CFAP97: variants seen among roughly 807,000 people sequenced by gnomAD.
The protein encoded by CFAP97 is cilia and flagella associated protein 97.
CFAP97 carries 36 observed loss-of-function variants against 43.1 expected under a neutral mutation model. The observed-to-expected ratio is 0.84, with a 90% confidence interval of 0.64 to 1.10. The LOEUF (loss-of-function observed/expected upper bound fraction) is 1.10. Ranked by LOEUF, CFAP97 falls within the 50% of genes least tolerant of loss-of-function variation. The pLI, the probability that CFAP97 is intolerant of heterozygous loss-of-function variation, is 0.00. For synonymous variants in CFAP97, 228 were observed against 225.7 expected (o/e 1.01, Z -0.09); for missense variants, 657 against 620.3 (o/e 1.06, Z -0.63).
Position 185,191,016 on chromosome 4 carries a change from CTGT to C in CFAP97, c.178_180del (p.Thr60del). The C allele has an allele frequency of 6.2e-7, 1 of 1,613,500 alleles. No individual in the cohort carries two copies. The highest frequency in any genetic ancestry group is 8.5e-7 in the Non-Finnish European group (1 of 1,179,638). ...TTTCCCTTCTCAGTAAGATAATTTTCTGTTGTTTGCATTCCAGTGTTCGAATTT... is the reference window on the plus strand; with the variant it reads ...TTTCCCTTCTCAGTAAGATAATTTTCTGTTTGCATTCCAGTGTTCGAATTT... On this transcript the variant is annotated inframe_deletion, in exon 2 of 5. Transcript: ENST00000458385.
intron 1 of CFAP97, among the ~76,000 whole-genome samples, chr4:185,201,152 C>T (rs920718754): frequency 6.6e-6 from 1 of 151,782 alleles, no homozygotes; most frequent in African/African-American, 2.4e-5. Flanking sequence ...GGTGAAACCT[C>T]ATCTCTACTA....
chr4:185,166,063 T>G (rs1735057291), intron 3 of CFAP97, among the ~76,000 whole-genome samples: 1 of 152,148 alleles, frequency 6.6e-6, no homozygotes, highest in Admixed American at 6.6e-5. Context: ...CTATTCCTTC[T>G]GCGTGAAGTG....
At chr4:185,175,053 T>A (rs1429745508) in intron 3 of CFAP97, among the ~76,000 whole-genome samples, 1 of 152,226 alleles carries the variant, frequency 6.6e-6, no homozygotes, top group Non-Finnish European at 1.5e-5. Flanking sequence ...TACTGATCCT[T>A]TAAAATAAGT....
chr4:185,164,557 A>T (rs1734996770), intron 3 of CFAP97, among the ~76,000 whole-genome samples: 1 of 152,220 alleles, frequency 6.6e-6, no homozygotes, highest in South Asian at 2.1e-4. Context: ...GAATACAGTC[A>T]TGGGTTCTTA....
Position 185,161,235 on chromosome 4 carries a change from G to A in CFAP97, c.*1563C>T, listed in dbSNP as rs564383699. ...CCCAAAAGCAGAACCTCAAAGCCAG[G>A]TTGTGGCCAGGTGAATTATTTAACC... On this transcript the variant is annotated 3_prime_UTR_variant, in exon 5 of 5. Coordinates refer to ENST00000458385, the MANE Select transcript of CFAP97 (RefSeq NM_020827.3). 5.9e-5 allele frequency: 9 copies of A among 152,266 alleles called. No homozygotes were observed. Among genetic ancestry groups the A allele is most frequent in the African/African-American group, 2.2e-4 (9 of 41,556 alleles). The allele number at this position is 152,266 out of a possible 1,614,324, so 9.4% of individuals were successfully genotyped here.
chr4:185,173,506 G>A (rs938387845), intron 3 of CFAP97, among the ~76,000 whole-genome samples: 1 of 151,984 alleles, frequency 6.6e-6, no homozygotes, highest in African/African-American at 2.4e-5. Context: ...ATTCACTTCA[G>A]TATTATTCAC....
At chr4:185,206,809 A>G (rs1288199671), upstream of CFAP97, among the ~76,000 whole-genome samples, 1 of 152,092 alleles carries the variant, frequency 6.6e-6, no homozygotes, top group African/African-American at 2.4e-5. Context: ...CTGATGATAC[A>G]CCCTTCGCCG....
chr4:185,171,155 T>C (rs1735289167), intron 3 of CFAP97, among the ~76,000 whole-genome samples: 1 of 152,160 alleles, frequency 6.6e-6, no homozygotes, highest in South Asian at 2.1e-4. Flanking sequence ...TCAATTTTTC[T>C]ACATGAAAAG....
chr4:185,181,107 A>C (rs1336545608), intron 2 of CFAP97, among the ~76,000 whole-genome samples: 1 of 151,682 alleles, frequency 6.6e-6, no homozygotes, highest in Non-Finnish European at 1.5e-5. Context: ...TGCAGACAAA[A>C]TACTCTAAAA....
chr4:185,165,861 C>T (rs531594970), intron 3 of CFAP97, among the ~76,000 whole-genome samples: 2 of 152,250 alleles, frequency 1.3e-5, no homozygotes, highest in African/African-American at 4.8e-5. Context: ...TGCTGAGTTC[C>T]TGAGCAATTC....
chr4:185,193,256 A>C (rs2111400027), intron 1 of CFAP97, among the ~76,000 whole-genome samples: 1 of 152,362 alleles, frequency 6.6e-6, no homozygotes, highest in East Asian at 1.9e-4. Context: ...TGAAAAAGAA[A>C]AAAGACAAAC....
intron 1 of CFAP97, among the ~76,000 whole-genome samples, chr4:185,194,376 C>A (rs1736444149): frequency 6.6e-6 from 1 of 152,266 alleles, no homozygotes; most frequent in African/African-American, 2.4e-5. Flanking sequence ...GTAATCCCAG[C>A]CACTAGGGAG....
At chr4:185,181,329 T>C (rs1330217444) in intron 2 of CFAP97, among the ~76,000 whole-genome samples, 1 of 147,510 alleles carries the variant, frequency 6.8e-6, no homozygotes, top group Non-Finnish European at 1.5e-5. Context: ...ACTTTTTTTT[T>C]TTTTTTTTTT....
At chr4:185,192,879 T>G (rs1327896721) in intron 1 of CFAP97, among the ~76,000 whole-genome samples, 1 of 151,928 alleles carries the variant, frequency 6.6e-6, no homozygotes, top group Non-Finnish European at 1.5e-5. Flanking sequence ...TAGCTGGGAC[T>G]ACAGGCGCCC....
intron 2 of CFAP97, among the ~76,000 whole-genome samples, chr4:185,189,051 G>C (rs549885786): frequency 6.6e-6 from 1 of 152,062 alleles, no homozygotes; most frequent in South Asian, 2.1e-4. Context: ...AGCCCGCGCA[G>C]CATAGTGAAA....
At chr4:185,208,100 C>T (rs967649026), upstream of CFAP97, among the ~76,000 whole-genome samples, 1 of 152,040 alleles carries the variant, frequency 6.6e-6, no homozygotes, top group Admixed American at 6.5e-5. Flanking sequence ...ATTAATCATA[C>T]TGCTTTATTT....
At position 185,189,254 on chromosome 4, in the gene CFAP97, C is replaced by T. The variant is rs561273763; in HGVS notation, c.1054+889G>A. ...CTTATCTCAAAAACAAAAAACAAAACCTACAAAAGTGGCAACATCAAGTGT... is the reference window on the plus strand; with the variant it reads ...CTTATCTCAAAAACAAAAAACAAAATCTACAAAAGTGGCAACATCAAGTGT... On this transcript the variant is annotated intron_variant, in intron 2 of 4. Transcript: ENST00000458385. Among the ~76,000 whole-genome samples the T allele has an allele frequency of 1.3e-4, 20 of 152,116 alleles. No homozygotes were observed. The South Asian group carries it at 2.9e-3, about 22-fold the overall frequency.
chr4:185,186,536 C>T (rs1484975320), intron 2 of CFAP97, among the ~76,000 whole-genome samples: 2 of 152,090 alleles, frequency 1.3e-5, no homozygotes, highest in Non-Finnish European at 2.9e-5. Context: ...GAACATTTTG[C>T]ATATGGCATA....
rs971192819 is a variant in CFAP97, at chr4:185,162,169, T to C, written c.*629A>G. ...TCATATTTGAAATGGTTTGGAATGA[T>C]TGATCAAACTTTTAAGATCTAACTC... On this transcript the variant is annotated 3_prime_UTR_variant, in exon 5 of 5. Coordinates refer to ENST00000458385, the MANE Select transcript of CFAP97 (RefSeq NM_020827.3). 1 of 152,312 alleles carries C rather than the reference T, an allele frequency of 6.6e-6. No individual in the cohort carries two copies. Among genetic ancestry groups the C allele is most frequent in the African/African-American group, 2.4e-5 (1 of 41,448 alleles). 9.4% of individuals were successfully genotyped at this position (152,312 alleles called of 1,614,324 possible).
Sources: gnomAD v4.1 joint callset for allele counts (sites outside exome capture counted in the v4.1 genomes callset) on GRCh38, gnomAD v4.1.1 for gene constraint, MANE v1.5 for transcripts, NCBI Gene and HGNC (gene_info 2026-07-23, HGNC 2026-07-21) for gene names.